The following SLC24A2 variants were observed in gnomAD, a reference collection of about 807,000 sequenced individuals.
SLC24A2 encodes the protein sodium/potassium/calcium exchanger 2.
A neutral mutation model predicts 62.0 loss-of-function variants in SLC24A2; 36 were observed. The observed-to-expected ratio is 0.58, with a 90% CI of 0.44 to 0.77. The LOEUF (loss-of-function observed/expected upper bound fraction) is 0.77. SLC24A2 is among the 30% of genes least tolerant of loss of function. SLC24A2 has a pLI of 0.00. For synonymous variants in SLC24A2, 358 were observed against 294.0 expected, an observed-to-expected ratio of 1.22 and a Z score of -2.23; for missense variants, 846 against 817.9, an observed-to-expected ratio of 1.03 and a Z score of -0.42.
chr9:20,188,706 C>T, the SLC24A2 span, among the ~76,000 whole-genome samples: 78,164 of 151,672 alleles, frequency 0.52, 22,283 homozygotes, highest in East Asian at 0.82. Flanking sequence ...GCTAGGATGA[C>T]GGGAGAAGAA....
At chr9:19,978,503 G>A in the SLC24A2 span, among the ~76,000 whole-genome samples, 1 of 152,082 alleles carries the variant, frequency 6.6e-6, no homozygotes, top group African/African-American at 2.4e-5. Flanking sequence ...CAGGGTAGGG[G>A]ACAGGCAACA....
the SLC24A2 span, among the ~76,000 whole-genome samples, chr9:20,297,130 C>T: frequency 1.1e-4 from 17 of 152,092 alleles, no homozygotes; most frequent in African/African-American, 4.1e-4. Context: ...CTAAACCCAC[C>T]AACAAGTGGG....
chr9:19,868,465 A>G, the SLC24A2 span, among the ~76,000 whole-genome samples: 1 of 152,240 alleles, frequency 6.6e-6, no homozygotes, highest in Non-Finnish European at 1.5e-5. Context: ...TGCAGTCACA[A>G]GACGGAATAT....
intron 7 of SLC24A2, among the ~76,000 whole-genome samples, chr9:19,555,187 TCAAGCCA>T (rs1342836912): frequency 4.1e-4 from 62 of 152,222 alleles, no homozygotes; most frequent in South Asian, 8.3e-4. Flanking sequence ...ATTATCTTAT[TCAAGCCA>T]TTGTTATTTT....
the SLC24A2 span, among the ~76,000 whole-genome samples, chr9:20,160,671 G>A: frequency 6.6e-5 from 10 of 151,044 alleles, no homozygotes; most frequent in South Asian, 2.1e-4. Flanking sequence ...ACTTGTGAGC[G>A]AAAGGAAAAA....
chr9:19,891,477 T>A, the SLC24A2 span, among the ~76,000 whole-genome samples: 13 of 152,304 alleles, frequency 8.5e-5, no homozygotes, highest in South Asian at 2.7e-3. Context: ...CTGCTTCTGG[T>A]TAGGGCTTTA....
chr9:20,210,258 C>T, the SLC24A2 span, among the ~76,000 whole-genome samples: 1 of 152,136 alleles, frequency 6.6e-6, no homozygotes, highest in Non-Finnish European at 1.5e-5. Flanking sequence ...AAGCAGGTGG[C>T]CTCCCAGAGT....
At chr9:20,020,593 G>A in the SLC24A2 span, among the ~76,000 whole-genome samples, 167 of 152,258 alleles carry the variant, frequency 1.1e-3, no homozygotes, top group African/African-American at 3.4e-3. Flanking sequence ...CTAGGGGAGG[G>A]ATAGCATTTG....
the SLC24A2 span, among the ~76,000 whole-genome samples, chr9:20,163,797 G>C: frequency 9.2e-5 from 14 of 152,070 alleles, no homozygotes; most frequent in African/African-American, 3.4e-4. Context: ...TAGACCAATG[G>C]AACAGAACAG....
At chr9:20,011,257 C>T in the SLC24A2 span, among the ~76,000 whole-genome samples, 4 of 152,148 alleles carry the variant, frequency 2.6e-5, no homozygotes, top group African/African-American at 9.7e-5. Context: ...TTCTCCACAT[C>T]CTCTCCAGCA....
At chr9:19,528,272 G>C in intron 8 of SLC24A2, 134 bp from the exon 9 acceptor site, 2 of 708,006 alleles carry the variant, frequency 2.8e-6, no homozygotes, top group Non-Finnish European at 2.6e-6. Flanking sequence ...GCAATCAAAA[G>C]ACCCTACTCA....
intron 2 of SLC24A2, among the ~76,000 whole-genome samples, chr9:19,724,139 A>G (rs937782110): frequency 2.6e-4 from 40 of 152,182 alleles, no homozygotes; most frequent in African/African-American, 9.4e-4. Context: ...CTGGGACAGA[A>G]TGTTAATGCT....
At chr9:20,035,243 A>G in the SLC24A2 span, among the ~76,000 whole-genome samples, 2 of 152,196 alleles carry the variant, frequency 1.3e-5, no homozygotes, top group Non-Finnish European at 2.9e-5. Flanking sequence ...TAAGTTCTAA[A>G]TAAGTTTGGT....
intron 2 of SLC24A2, among the ~76,000 whole-genome samples, chr9:19,738,491 A>T (rs1458997618): frequency 1.3e-5 from 2 of 152,182 alleles, no homozygotes; most frequent in African/African-American, 4.8e-5. Flanking sequence ...ATCAGTTTTA[A>T]CCAAAACAAT....
intron 5 of SLC24A2, among the ~76,000 whole-genome samples, chr9:19,583,828 C>T (rs548530117): frequency 6.6e-5 from 10 of 152,122 alleles, no homozygotes; most frequent in African/African-American, 1.4e-4. Flanking sequence ...TGCAAAGGAG[C>T]CCTTTCCATA....
the SLC24A2 span, among the ~76,000 whole-genome samples, chr9:20,255,529 A>C: frequency 6.6e-6 from 1 of 152,202 alleles, no homozygotes; most frequent in Non-Finnish European, 1.5e-5. Context: ...CTGAGGCAGG[A>C]GGATCCACTT....
At chr9:19,851,844 C>A in the SLC24A2 span, among the ~76,000 whole-genome samples, 1 of 151,856 alleles carries the variant, frequency 6.6e-6, no homozygotes, top group African/African-American at 2.4e-5. Context: ...GGGTATATAC[C>A]CAGTAATGGA....
chr9:19,702,610 A>G (rs1820388827), intron 2 of SLC24A2, among the ~76,000 whole-genome samples: 1 of 152,170 alleles, frequency 6.6e-6, no homozygotes, highest in Non-Finnish European at 1.5e-5. Flanking sequence ...TACAATAACA[A>G]CTGATGTCTG....
At chr9:19,990,621 A>C in the SLC24A2 span, among the ~76,000 whole-genome samples, 9 of 109,482 alleles carry the variant, frequency 8.2e-5, no homozygotes, top group African/African-American at 2.2e-4. Context: ...AAAAACAAAA[A>C]AAAAAAAACA....
Sources: gnomAD v4.1 joint callset for allele counts (sites outside exome capture counted in the v4.1 genomes callset) on GRCh38, gnomAD v4.1.1 for gene constraint, MANE v1.5 for transcripts, NCBI Gene and HGNC (gene_info 2026-07-23, HGNC 2026-07-21) for gene names.